Variants in FGGY observed in about 807,000 individuals in gnomAD.
FGGY encodes FGGY carbohydrate kinase domain containing.
FGGY carries 72 observed loss-of-function variants against 71.3 expected under a neutral mutation model. The observed-to-expected ratio is 1.01, with a 90% CI of 0.84 to 1.23. The LOEUF is 1.23. Among genes scored for constraint, FGGY ranks in the 50% most tolerant of loss-of-function variants. The pLI is 0.00. For synonymous variants in FGGY, 251 were observed against 250.3 expected, an observed-to-expected ratio of 1.00 and a Z score of -0.02; for missense variants, 668 against 682.3, an observed-to-expected ratio of 0.98 and a Z score of 0.23.
chr1:59,603,548 C>A lies in FGGY; in HGVS notation c.904-4255C>A, dbSNP rs151206093. 6.5e-4 allele frequency among the ~76,000 whole-genome samples: 99 copies of A among 152,270 alleles called. 2 individuals are homozygous for A. The highest frequency in any genetic ancestry group is 2.2e-3 in the African/African-American group (92 of 41,554). ...CAGCTTACTTAATCTTTACAAAAGTCCCCCAGCATTCATGCATTCCTCCCA... is the reference window on the plus strand; with the variant it reads ...CAGCTTACTTAATCTTTACAAAAGTACCCCAGCATTCATGCATTCCTCCCA... On this transcript the variant is annotated intron_variant, in intron 8 of 15. Transcript: ENST00000303721.
intron 6 of FGGY, among the ~76,000 whole-genome samples, chr1:59,501,128 T>A (rs571208497): frequency 6.6e-6 from 1 of 152,284 alleles, no homozygotes; most frequent in Non-Finnish European, 1.5e-5. Context: ...ATTTTGTAAG[T>A]CAGCAGTTTG....
intron 2 of FGGY, among the ~76,000 whole-genome samples, chr1:59,331,185 G>A (rs938431620): frequency 6.6e-6 from 1 of 152,132 alleles, no homozygotes; most frequent in Non-Finnish European, 1.5e-5. Context: ...AGAGGAAGGA[G>A]GTAGAGGCTA....
chr1:59,613,142 G>A (rs1042308473), intron 9 of FGGY, among the ~76,000 whole-genome samples: 1 of 152,186 alleles, frequency 6.6e-6, no homozygotes, highest in African/African-American at 2.4e-5. Flanking sequence ...TCTGCACCAA[G>A]TGGACCTAAT....
Position 59,680,148 on chromosome 1 carries a change from T to C in FGGY, c.1512+6015T>C, listed in dbSNP as rs1324214668. On this transcript the variant is annotated intron_variant, in intron 14 of 15. Transcript: ENST00000303721. Reference sequence around the variant, plus strand: ...TATTTAGCTTTCATCCCCAGGCCTCTTATAATCCTACTTATTTCACATATG... The same window carrying C: ...TATTTAGCTTTCATCCCCAGGCCTCCTATAATCCTACTTATTTCACATATG... Among the ~76,000 whole-genome samples, 3 of 152,140 alleles carry C rather than the reference T, an allele frequency of 2.0e-5. No homozygotes were observed. In the East Asian group the frequency reaches 5.8e-4, roughly 29 times the overall value.
At chr1:59,305,615 A>G (rs538011369) in intron 1 of FGGY, among the ~76,000 whole-genome samples, 1 of 152,268 alleles carries the variant, frequency 6.6e-6, no homozygotes, top group East Asian at 1.9e-4. Flanking sequence ...TTAATTTTTT[A>G]TAAGAGTTCA....
chr1:59,344,759 A>G lies in FGGY; in HGVS notation c.314-1488A>G, dbSNP rs142239203. On this transcript the variant is annotated intron_variant, in intron 3 of 15. Coordinates refer to ENST00000303721, the MANE Select transcript of FGGY (RefSeq NM_018291.5). ...ATGTTAGGTAAATACTTGTTATACT[A>G]TATTGTTTAGGGAATAATGGCAAGT... 3.4e-3 allele frequency among the ~76,000 whole-genome samples: 513 copies of G among 152,264 alleles called. 1 individual carries two copies. Among genetic ancestry groups the G allele is most frequent in the African/African-American group, 0.012 (481 of 41,568 alleles).
At chr1:59,317,833 C>T (rs1266325501) in intron 1 of FGGY, among the ~76,000 whole-genome samples, 3 of 152,160 alleles carry the variant, frequency 2.0e-5, no homozygotes, top group African/African-American at 7.2e-5. Flanking sequence ...GTGTGAATGA[C>T]GCTGGGATGG....
intron 9 of FGGY, among the ~76,000 whole-genome samples, chr1:59,625,622 T>G (rs1478708325): frequency 6.6e-6 from 1 of 152,150 alleles, no homozygotes; most frequent in South Asian, 2.1e-4. Flanking sequence ...GGGGAAATGA[T>G]GTGATCCAGA....
At chr1:59,556,322 G>T (rs559586843) in intron 8 of FGGY, among the ~76,000 whole-genome samples, 1 of 152,156 alleles carries the variant, frequency 6.6e-6, no homozygotes, top group African/African-American at 2.4e-5. Context: ...AATCTAAATG[G>T]ATGCAAGTGT....
At chr1:59,602,562 C>T (rs965569076) in intron 8 of FGGY, among the ~76,000 whole-genome samples, 2 of 152,102 alleles carry the variant, frequency 1.3e-5, no homozygotes, top group Admixed American at 6.6e-5. Flanking sequence ...TCAAACCATG[C>T]GATCTTTTAT....
intron 2 of FGGY, among the ~76,000 whole-genome samples, chr1:59,325,914 A>G (rs201940948): frequency 4.7e-4 from 72 of 152,350 alleles, no homozygotes; most frequent in African/African-American, 1.6e-3. Context: ...GGCAGGTTTT[A>G]TTGGGCTGGT....
chr1:59,478,073 C>T (rs190538005), intron 6 of FGGY, among the ~76,000 whole-genome samples: 2 of 152,240 alleles, frequency 1.3e-5, no homozygotes, highest in Non-Finnish European at 2.9e-5. Flanking sequence ...ACCTAACCTC[C>T]GAAGGCCACT....
intron 8 of FGGY, among the ~76,000 whole-genome samples, chr1:59,599,998 G>T (rs920488532): frequency 6.6e-6 from 1 of 152,132 alleles, no homozygotes; most frequent in Non-Finnish European, 1.5e-5. Flanking sequence ...GAGAATGATA[G>T]AATTAAATTT....
At chr1:59,667,737 C>T (rs894380803) in intron 13 of FGGY, among the ~76,000 whole-genome samples, 2 of 152,054 alleles carry the variant, frequency 1.3e-5, no homozygotes, top group African/African-American at 2.4e-5. Flanking sequence ...ATTGAAGATA[C>T]GAAGATGAAT....
intron 9 of FGGY, among the ~76,000 whole-genome samples, chr1:59,610,025 C>G (rs1488289221): frequency 6.6e-6 from 1 of 152,130 alleles, no homozygotes; most frequent in African/African-American, 2.4e-5. Context: ...GAAATGCAGC[C>G]CACTTTATAT....
At chr1:59,409,363 A>C (rs2063236932) in intron 5 of FGGY, among the ~76,000 whole-genome samples, 2 of 152,118 alleles carry the variant, frequency 1.3e-5, no homozygotes, top group African/African-American at 4.8e-5. Flanking sequence ...TGGATGGTTT[A>C]GACAGGAAAA....
intron 8 of FGGY, among the ~76,000 whole-genome samples, chr1:59,556,362 T>C (rs1317281002): frequency 6.6e-6 from 1 of 152,160 alleles, no homozygotes; most frequent in African/African-American, 2.4e-5. Flanking sequence ...TTAGTCTTAC[T>C]GTCTCTTAAT....
intron 7 of FGGY, among the ~76,000 whole-genome samples, chr1:59,547,921 A>G (rs1388019484): frequency 6.6e-6 from 1 of 152,200 alleles, no homozygotes; most frequent in Non-Finnish European, 1.5e-5. Context: ...TCATTCATCA[A>G]CAATAACAAC....
At chr1:59,616,081 T>A (rs1412179095) in intron 9 of FGGY, among the ~76,000 whole-genome samples, 3 of 152,196 alleles carry the variant, frequency 2.0e-5, no homozygotes, top group Non-Finnish European at 2.9e-5. Context: ...AGTGTGGTGA[T>A]TCCTCAGGGA....
Sources: allele counts gnomAD v4.1 joint callset (sites outside exome capture counted in the v4.1 genomes callset), GRCh38; gene constraint gnomAD v4.1.1; transcripts MANE v1.5; gene names NCBI Gene and HGNC (gene_info 2026-07-23, HGNC 2026-07-21).